Variants in NELFA observed in about 807,000 individuals in gnomAD.
NELFA encodes negative elongation factor complex member A.
In NELFA, 35 loss-of-function variants were observed where a neutral mutation model predicts 51.8. That is an observed-to-expected ratio of 0.68 (90% CI 0.52 to 0.90). The LOEUF (loss-of-function observed/expected upper bound fraction) is 0.90, where lower values mean the gene tolerates loss of function less well. NELFA is among the 40% of genes least tolerant of loss of function. The pLI is 0.00. For missense variants in NELFA, 658 were observed against 746.4 expected, an observed-to-expected ratio of 0.88 and a Z score of 1.38; for synonymous variants, 417 against 338.4, an observed-to-expected ratio of 1.23 and a Z score of -2.55.
intron 3 of NELFA, among the ~76,000 whole-genome samples, chr4:1,988,829 C>T (rs1728188439): frequency 6.6e-6 from 1 of 152,198 alleles, no homozygotes. Context: ...AAGGAACGTG[C>T]CCCTCCAGCC....
At chr4:1,995,319 G>A (rs1432313728) in intron 1 of NELFA, among the ~76,000 whole-genome samples, 1 of 152,082 alleles carries the variant, frequency 6.6e-6, no homozygotes, top group African/African-American at 2.4e-5. Context: ...CTGTTTCTCT[G>A]GAGAACCCTG....
In NELFA at chr4:1,984,817, T is replaced by C; in HGVS notation, c.1027A>G (p.Thr343Ala). Reference sequence around the variant, plus strand: ...GGGCCAGCAGACTCACCTGGGGGCGTCTCGGAGCTGGGGATGTAGGAGGAG... The same window carrying C: ...GGGCCAGCAGACTCACCTGGGGGCGCCTCGGAGCTGGGGATGTAGGAGGAG... ...PASSYIPSSETPPAPSSREAS... is the reference protein window; with the variant it reads ...PASSYIPSSEAPPAPSSREAS... Residue 343 changes from threonine (T) to alanine (A), a missense_variant, in exon 8 of 11, where the codon ACG (threonine) becomes GCG (alanine). By Grantham distance (58) the Thr-to-Ala change is moderately conservative. Around this residue, in one of 3 missense-constraint regions of NELFA, gnomAD observed 200 missense variants for 167.9 expected, o/e 1.19. Transcript: ENST00000382882. 6.4e-7 allele frequency: 1 copy of C among 1,562,146 alleles called. No homozygotes were observed. Among genetic ancestry groups the C allele is most frequent in the Non-Finnish European group, 8.7e-7 (1 of 1,152,682 alleles).
Position 2,008,936 on chromosome 4 carries a change from G to C in NELFA, c.24C>G (p.Asp8Glu). 1 of 1,567,428 alleles carries C rather than the reference G, an allele frequency of 6.4e-7. No individual in the cohort carries two copies. The highest frequency in any genetic ancestry group is 8.6e-7 in the Non-Finnish European group (1 of 1,156,282). The change falls in exon 1 of 11, where the codon GAC becomes GAG. Residue 8 changes from aspartate to glutamate, a missense_variant. This residue lies in a region of NELFA where 371 missense variants were observed against 448.3 expected (regional missense o/e 0.83). Transcript: ENST00000382882. ...GCTTGTTGTGCAGCCACAGGCCCGT[G>C]TCGCTCTCCCGCATGGACGCCATCT... MASMRES[D>E]TGLWLHNKLG...
intron 1 of NELFA, chr4:2,007,157 C>T (rs770181330): frequency 4.7e-6 from 2 of 429,532 alleles, no homozygotes; most frequent in Non-Finnish European, 4.8e-6. Flanking sequence ...CAGTGAGTCA[C>T]GATGGTGCCA....
intron 1 of NELFA, among the ~76,000 whole-genome samples, chr4:2,008,502 G>A (rs1225101700): frequency 6.7e-6 from 1 of 149,254 alleles, no homozygotes; most frequent in Non-Finnish European, 1.5e-5. Context: ...AAGACCCACG[G>A]TGGGGATGAG....
At chr4:1,993,444 T>C (rs1410781604) in intron 1 of NELFA, among the ~76,000 whole-genome samples, 1 of 152,036 alleles carries the variant, frequency 6.6e-6, no homozygotes, top group Non-Finnish European at 1.5e-5. Flanking sequence ...CCGGGCGTGG[T>C]AGCGCATTCC....
At chr4:1,986,223 A>G in intron 5 of NELFA, 40 bp from the exon 6 acceptor site, 3 of 1,562,316 alleles carry the variant, frequency 1.9e-6, no homozygotes, top group Non-Finnish European at 2.6e-6. Context: ...TGACGGCACC[A>G]GGGCGCAACG....
intron 4 of NELFA, chr4:1,987,360 G>T (rs746481836): frequency 6.6e-6 from 1 of 152,550 alleles, no homozygotes; most frequent in East Asian, 1.9e-4. Flanking sequence ...CCAGGGGCAC[G>T]CCGTCTTCCT....
At chr4:1,993,241 C>A (rs1011432998) in intron 1 of NELFA, among the ~76,000 whole-genome samples, 1 of 152,226 alleles carries the variant, frequency 6.6e-6, no homozygotes, top group Non-Finnish European at 1.5e-5. Flanking sequence ...CTCTCCAGAA[C>A]GCGCATGTTG....
chr4:1,993,572 C>G (rs1386330362), intron 1 of NELFA, among the ~76,000 whole-genome samples: 1 of 131,678 alleles, frequency 7.6e-6, no homozygotes, highest in Non-Finnish European at 1.6e-5. Flanking sequence ...GAGCGAAACT[C>G]CATCTCAAAA....
chr4:2,002,023 A>G (rs1728580825), intron 1 of NELFA, among the ~76,000 whole-genome samples: 1 of 151,492 alleles, frequency 6.6e-6, no homozygotes, highest in Non-Finnish European at 1.5e-5. Context: ...ACACGGTGAA[A>G]CCCTGTCTCT....
At chr4:1,990,284 T>C (rs1301322970) in intron 2 of NELFA, 3 of 414,020 alleles carry the variant, frequency 7.2e-6, no homozygotes, top group South Asian at 1.8e-5. Flanking sequence ...TGGTGGTCTC[T>C]CCTGGAACCC....
chr4:1,987,995 G>C lies in NELFA; in HGVS notation c.557C>G (p.Ala186Gly), dbSNP rs1416413374. ...AELLQKSTETAQQLKRSAGVP... is the reference protein window; with the variant it reads ...AELLQKSTETGQQLKRSAGVP... ...CCCGGCGCTCCGCTTCAACTGCTGGGCGGTCTCCGTGGCTGGAAGGAAGAG... is the reference window on the plus strand; with the variant it reads ...CCCGGCGCTCCGCTTCAACTGCTGGCCGGTCTCCGTGGCTGGAAGGAAGAG... Residue 186 changes from alanine to glycine, a missense_variant, in exon 4 of 11, where the codon GCC (alanine) becomes GGC (glycine). Coordinates refer to ENST00000382882, the MANE Select transcript of NELFA (RefSeq NM_005663.5). 2 of 1,610,664 alleles carry C rather than the reference G, an allele frequency of 1.2e-6. No individual in the cohort carries two copies. The highest frequency in any genetic ancestry group is 1.7e-6 in the Non-Finnish European group (2 of 1,179,730).
chr4:1,984,569 G>A (rs1728021363), intron 8 of NELFA, among the ~76,000 whole-genome samples: 1 of 152,236 alleles, frequency 6.6e-6, no homozygotes, highest in Non-Finnish European at 1.5e-5. Context: ...TTCCTGCCGT[G>A]TCCCCTGGGG....
At chr4:1,992,307 G>C in intron 1 of NELFA, 1 of 247,144 alleles carries the variant, frequency 4.0e-6, no homozygotes, top group Non-Finnish European at 8.2e-6. Context: ...GTGGAGCCTG[G>C]AGGTGGCCCC....
chr4:2,005,437 T>G (rs1006237008), intron 1 of NELFA, among the ~76,000 whole-genome samples: 1 of 152,092 alleles, frequency 6.6e-6, no homozygotes, highest in Non-Finnish European at 1.5e-5. Context: ...AGTCACAAAT[T>G]CATTATCCAA....
intron 1 of NELFA, among the ~76,000 whole-genome samples, chr4:1,997,915 CAGA>C (rs1387483930): frequency 6.6e-6 from 1 of 152,158 alleles, no homozygotes; most frequent in African/African-American, 2.4e-5. Flanking sequence ...TCAGAGGTCC[CAGA>C]AGAAGGAGCA....
In NELFA at chr4:1,987,920, G is replaced by C. The variant is rs1427658470; in HGVS notation, c.632C>G (p.Thr211Ser). 6.2e-6 allele frequency: 10 copies of C among 1,604,550 alleles called. No individual in the cohort carries two copies. Among genetic ancestry groups the C allele is most frequent in the African/African-American group, 2.7e-5 (2 of 74,894 alleles). The change falls in exon 4 of 11, where the codon ACC (threonine) becomes AGC (serine). Residue 211 changes from threonine (T) to serine (S), a missense_variant and splice_region_variant. Thr to Ser is a moderately conservative substitution (Grantham distance 58, BLOSUM62 1). This residue lies in a region of NELFA where 371 missense variants were observed against 448.3 expected (regional missense o/e 0.83). Coordinates refer to ENST00000382882, the MANE Select transcript of NELFA (RefSeq NM_005663.5). ...GRGLLRKMDT[T>S]TPLKGIPKQA... ...CGGCACCAGGGTGGGGGCCTTACTGGTGGTGTCCATCTTCCGCAGCAGCCC... is the reference window on the plus strand; with the variant it reads ...CGGCACCAGGGTGGGGGCCTTACTGCTGGTGTCCATCTTCCGCAGCAGCCC...
intron 1 of NELFA, among the ~76,000 whole-genome samples, chr4:1,992,956 CGCCCCGG>C (rs1728315991): frequency 6.6e-6 from 1 of 152,168 alleles, no homozygotes; most frequent in African/African-American, 2.4e-5. Context: ...GCTGACCCTG[CGCCCCGG>C]GCCCTCACTC....
Sources: gnomAD v4.1 joint callset for allele counts (sites outside exome capture counted in the v4.1 genomes callset) on GRCh38, gnomAD v4.1.1 for gene constraint, gnomAD v4.1.1 regional missense constraint, MANE v1.5 for transcripts, NCBI Gene and HGNC (gene_info 2026-07-23, HGNC 2026-07-21) for gene names.